The following GRM8 variants were observed in gnomAD, a reference collection of about 807,000 sequenced individuals.
The protein encoded by GRM8 is metabotropic glutamate receptor 8.
Under a neutral mutation model 87.2 loss-of-function variants are expected in GRM8, and 47 were observed. The ratio of observed to expected loss-of-function variants is 0.54; its 90% CI spans 0.43 to 0.69. The LOEUF (loss-of-function observed/expected upper bound fraction) is 0.69, where lower values mean the gene tolerates loss of function less well. GRM8 is among the 30% of genes least tolerant of loss of function. GRM8 has a pLI of 0.00. For synonymous variants in GRM8, 396 were observed against 404.5 expected (o/e 0.98, Z 0.25); for missense variants, 1,019 against 1,139.2 (o/e 0.89, Z 1.52).
At chr7:126,974,349 G>T (rs1810733112) in intron 3 of GRM8, among the ~76,000 whole-genome samples, 1 of 152,004 alleles carries the variant, frequency 6.6e-6, no homozygotes, top group South Asian at 2.1e-4. Flanking sequence ...GCCTGCTTTT[G>T]TCATCAAAAA....
chr7:126,641,570 G>T (rs1370799324), intron 7 of GRM8, among the ~76,000 whole-genome samples: 1 of 152,166 alleles, frequency 6.6e-6, no homozygotes, highest in African/African-American at 2.4e-5. Flanking sequence ...ACTATTCACT[G>T]TTTTGTTCCA....
chr7:126,443,345 T>A (rs772013028), intron 10 of GRM8, among the ~76,000 whole-genome samples: 1 of 152,038 alleles, frequency 6.6e-6, no homozygotes, highest in Non-Finnish European at 1.5e-5. Context: ...CTCATTGGTT[T>A]CCCATCCAGC....
intron 2 of GRM8, among the ~76,000 whole-genome samples, chr7:127,153,386 C>T (rs944907253): frequency 2.0e-5 from 3 of 152,082 alleles, no homozygotes; most frequent in Non-Finnish European, 4.4e-5. Flanking sequence ...TGTAGAAGAT[C>T]AAATCCAGAC....
chr7:127,221,524 T>C (rs528500179), intron 2 of GRM8, among the ~76,000 whole-genome samples: 14 of 152,346 alleles, frequency 9.2e-5, no homozygotes, highest in Non-Finnish European at 1.3e-4. Context: ...ACAAAATTCC[T>C]ACTTTCCTGC....
intron 6 of GRM8, among the ~76,000 whole-genome samples, chr7:126,879,871 G>A (rs1799872976): frequency 6.6e-6 from 1 of 152,132 alleles, no homozygotes; most frequent in African/African-American, 2.4e-5. Context: ...AGTCAGGGGT[G>A]AGAGATAGGA....
chr7:126,714,826 G>A (rs887192095), intron 7 of GRM8, among the ~76,000 whole-genome samples: 3 of 150,774 alleles, frequency 2.0e-5, no homozygotes, highest in Admixed American at 2.0e-4. Context: ...ATATATATGT[G>A]TATATATATA....
At chr7:126,531,039 G>A (rs912882006) in intron 9 of GRM8, among the ~76,000 whole-genome samples, 2 of 152,038 alleles carry the variant, frequency 1.3e-5, no homozygotes, top group Non-Finnish European at 2.9e-5. Context: ...GTCATTTTAT[G>A]TATTGTCTTG....
At chr7:126,747,460 T>C (rs1180892894) in intron 7 of GRM8, among the ~76,000 whole-genome samples, 1 of 152,042 alleles carries the variant, frequency 6.6e-6, no homozygotes, top group Non-Finnish European at 1.5e-5. Context: ...ATAAAGATTT[T>C]ATAATCAAGA....
At chr7:127,216,537 A>AAAAAAAAAAAAAAAAG in intron 2 of GRM8, among the ~76,000 whole-genome samples, 1 of 147,232 alleles carries the variant, frequency 6.8e-6, no homozygotes, top group Non-Finnish European at 1.5e-5. Context: ...AAAAAAAACA[A>AAAAAAAAAAAAAAAAG]AAAAAAAAAA....
intron 2 of GRM8, among the ~76,000 whole-genome samples, chr7:127,185,356 A>T (rs1794678098): frequency 6.6e-6 from 1 of 152,130 alleles, no homozygotes; most frequent in African/African-American, 2.4e-5. Context: ...TGGCAATTCA[A>T]TGGAAAAAGA....
chr7:126,750,369 T>C (rs1816280005), intron 7 of GRM8, among the ~76,000 whole-genome samples: 1 of 152,058 alleles, frequency 6.6e-6, no homozygotes, highest in Non-Finnish European at 1.5e-5. Context: ...GTAATAAACA[T>C]GTTCTAAATC....
In GRM8 at chr7:126,479,083, C is replaced by G. The variant is rs937025774; in HGVS notation, c.2431-32711G>C. Among the ~76,000 whole-genome samples the G allele has an allele frequency of 2.0e-5, 3 of 151,280 alleles. No individual in the cohort carries two copies. In the Middle Eastern group the frequency reaches 0.01, roughly 518 times the overall value. On this transcript the variant is annotated intron_variant, in intron 9 of 10. Coordinates refer to ENST00000339582, the MANE Select transcript of GRM8 (RefSeq NM_000845.3). ...TGCTTGAAATTTTGACAAGCCTCAA[C>G]TACCTTAGCCTTTTATGCTAAAAAT...
At chr7:126,956,890 T>C (rs916644120) in intron 3 of GRM8, among the ~76,000 whole-genome samples, 7 of 152,154 alleles carry the variant, frequency 4.6e-5, no homozygotes, top group African/African-American at 1.4e-4. Flanking sequence ...TTTCACTCAA[T>C]ACAGAGCCGA....
chr7:126,462,257 C>G (rs1256953406), intron 9 of GRM8, among the ~76,000 whole-genome samples: 1 of 147,974 alleles, frequency 6.8e-6, no homozygotes, highest in African/African-American at 2.6e-5. Flanking sequence ...AAAAGCACAT[C>G]TAGCTATTAT....
At chr7:126,492,064 T>G (rs558508023) in intron 9 of GRM8, among the ~76,000 whole-genome samples, 1 of 152,134 alleles carries the variant, frequency 6.6e-6, no homozygotes, top group African/African-American at 2.4e-5. Context: ...GAATAACTTT[T>G]ATTTTTCTTT....
At position 126,685,991 on chromosome 7, in the gene GRM8, C is replaced by T. The variant is rs950983057; in HGVS notation, c.1358-76493G>A. Reference sequence around the variant, plus strand: ...CCTCCCCTCTGAGGCCCATAAAAACCCCCAGACTCAGCCAGACTCAAGCAG... The same window carrying T: ...CCTCCCCTCTGAGGCCCATAAAAACTCCCAGACTCAGCCAGACTCAAGCAG... On this transcript the variant is annotated intron_variant, in intron 7 of 10. Coordinates refer to ENST00000339582, the MANE Select transcript of GRM8 (RefSeq NM_000845.3). This position sits in a 1 kb window ranked among gnomAD's most constrained non-coding sequence, Gnocchi z 4.2. Among the ~76,000 whole-genome samples, 2 of 151,704 alleles carry T rather than the reference C, an allele frequency of 1.3e-5. No homozygotes were observed. The highest frequency in any genetic ancestry group is 2.9e-5 in the Non-Finnish European group (2 of 67,936).
At chr7:127,188,924 T>C (rs888194564) in intron 2 of GRM8, among the ~76,000 whole-genome samples, 2 of 152,214 alleles carry the variant, frequency 1.3e-5, no homozygotes, top group African/African-American at 4.8e-5. Context: ...AACGATCACA[T>C]AAACACTGAG....
chr7:127,085,262 G>A (rs11772967), intron 3 of GRM8, among the ~76,000 whole-genome samples: 36,390 of 152,114 alleles, frequency 0.24, 5,099 homozygotes, highest in Non-Finnish European at 0.33. Flanking sequence ...GAATAGTGCC[G>A]CAATAAACAT....
At chr7:127,067,365 T>A (rs1821225435) in intron 3 of GRM8, among the ~76,000 whole-genome samples, 1 of 152,228 alleles carries the variant, frequency 6.6e-6, no homozygotes, top group Admixed American at 6.5e-5. Context: ...CCGTATTCTT[T>A]TTTTAAATGA....
Sources: allele counts gnomAD v4.1 joint callset (sites outside exome capture counted in the v4.1 genomes callset), GRCh38; gene constraint gnomAD v4.1.1; non-coding constraint Gnocchi (gnomAD v3.1); transcripts MANE v1.5; gene names NCBI Gene and HGNC (gene_info 2026-07-23, HGNC 2026-07-21).